The following TCF7L2 variants were observed in gnomAD, a reference collection of about 807,000 sequenced individuals.
TCF7L2 encodes transcription factor 7-like 2.
TCF7L2 carries 23 observed loss-of-function variants against 77.9 expected under a neutral mutation model. That is an observed-to-expected ratio of 0.30 (90% CI 0.21 to 0.42). The LOEUF is 0.42. Ranked by LOEUF, TCF7L2 falls within the 10% of genes least tolerant of loss-of-function variation. The pLI is 1.00. For missense variants in TCF7L2, 654 were observed against 793.1 expected (o/e 0.82, Z 2.11); for synonymous variants, 413 against 340.2 (o/e 1.21, Z -2.36).
intron 4 of TCF7L2, among the ~76,000 whole-genome samples, chr10:113,004,526 C>A (rs1180317141): frequency 1.3e-5 from 2 of 152,270 alleles, no homozygotes; most frequent in South Asian, 4.1e-4. Context: ...TAACAAATTT[C>A]TTTTCAAAAA....
At chr10:113,054,040 C>G (rs558899480) in intron 5 of TCF7L2, among the ~76,000 whole-genome samples, 1 of 152,278 alleles carries the variant, frequency 6.6e-6, no homozygotes, top group South Asian at 2.1e-4. Context: ...AGGCTGGTGC[C>G]GGTCAGGCTA....
At position 112,964,450 on chromosome 10, in the gene TCF7L2, T is replaced by C. The variant is rs942908142; in HGVS notation, c.382-106T>C. On this transcript the variant is annotated intron_variant, in intron 3 of 13. Coordinates refer to ENST00000627217, the MANE Select transcript of TCF7L2 (RefSeq NM_001146274.2). ...ACAGGTCTTGATTGAATGCCAAGGC[T>C]GCAGTTCAATCTAGGAAGGTTTGTC... 5.3e-6 allele frequency: 5 copies of C among 939,454 alleles called. No individual in the cohort carries two copies. In the African/African-American group the frequency reaches 8.1e-5, roughly 15 times the overall value. 58.2% of individuals were successfully genotyped at this position (939,454 alleles called of 1,614,324 possible). A position where few individuals can be genotyped will look rare whatever the true frequency, so the allele number is the denominator to read the frequency against.
At chr10:113,164,289 A>G (rs1310869537) in intron 13 of TCF7L2, among the ~76,000 whole-genome samples, 1 of 152,228 alleles carries the variant, frequency 6.6e-6, no homozygotes, top group African/African-American at 2.4e-5. Flanking sequence ...AAGGGCTCTG[A>G]AATTCTCATT....
chr10:113,063,116 A>G (rs2056736546), intron 5 of TCF7L2, among the ~76,000 whole-genome samples: 1 of 152,116 alleles, frequency 6.6e-6, no homozygotes, highest in African/African-American at 2.4e-5. Flanking sequence ...TTGTGAAGTT[A>G]TACCGTGCCT....
intron 4 of TCF7L2, among the ~76,000 whole-genome samples, chr10:112,966,791 G>A (rs2037025324): frequency 6.6e-6 from 1 of 152,204 alleles, no homozygotes; most frequent in South Asian, 2.1e-4. Context: ...TTCTCAGGAG[G>A]AAGATGGAGT....
intron 4 of TCF7L2, among the ~76,000 whole-genome samples, chr10:112,964,841 G>A (rs2036364065): frequency 6.7e-6 from 1 of 150,286 alleles, no homozygotes; most frequent in Non-Finnish European, 1.5e-5. Context: ...TGGGGGAGAA[G>A]GGGAGCAAAG....
intron 4 of TCF7L2, among the ~76,000 whole-genome samples, chr10:112,972,329 A>G (rs2038454652): frequency 6.6e-6 from 1 of 152,224 alleles, no homozygotes; most frequent in South Asian, 2.1e-4. Context: ...AGCTTGAGAA[A>G]AAGCATTTGT....
At chr10:113,012,907 C>T (rs1037632185) in intron 4 of TCF7L2, among the ~76,000 whole-genome samples, 32 of 152,198 alleles carry the variant, frequency 2.1e-4, no homozygotes, top group Non-Finnish European at 3.4e-4. Flanking sequence ...GCGCCCCACA[C>T]ATCCGGCTTC....
intron 5 of TCF7L2, among the ~76,000 whole-genome samples, chr10:113,101,319 G>A (rs1218548333): frequency 6.6e-6 from 1 of 152,124 alleles, no homozygotes; most frequent in Non-Finnish European, 1.5e-5. Flanking sequence ...AGGCCTCAAG[G>A]ATCGCTTGAA....
chr10:113,100,014 C>T (rs1333374713), intron 5 of TCF7L2, among the ~76,000 whole-genome samples: 1 of 152,118 alleles, frequency 6.6e-6, no homozygotes, highest in East Asian at 1.9e-4. Context: ...CTCCCTCTAC[C>T]TCTCTCTTAG....
chr10:112,967,085 G>A (rs1329533266), intron 4 of TCF7L2, among the ~76,000 whole-genome samples: 1 of 152,202 alleles, frequency 6.6e-6, no homozygotes, highest in African/African-American at 2.4e-5. Context: ...GGAAAAGAAG[G>A]GGAAAGCTTA....
intron 5 of TCF7L2, among the ~76,000 whole-genome samples, chr10:113,062,857 C>G (rs139866400): frequency 9.9e-5 from 15 of 152,152 alleles, no homozygotes; most frequent in African/African-American, 3.1e-4. Context: ...GCCTTTACTA[C>G]CAAAGACTGA....
intron 4 of TCF7L2, among the ~76,000 whole-genome samples, chr10:112,988,136 T>C (rs890977753): frequency 6.6e-6 from 1 of 151,146 alleles, no homozygotes; most frequent in Non-Finnish European, 1.5e-5. Flanking sequence ...AGTCTTGCTC[T>C]TGTTGCCCAG....
intron 5 of TCF7L2, among the ~76,000 whole-genome samples, chr10:113,063,297 A>G (rs1399121548): frequency 1.3e-5 from 2 of 152,150 alleles, no homozygotes; most frequent in Admixed American, 6.5e-5. Context: ...TAATGCTTAT[A>G]TTTACTGATA....
intron 5 of TCF7L2, among the ~76,000 whole-genome samples, chr10:113,064,319 G>C (rs954307099): frequency 6.6e-6 from 1 of 152,244 alleles, no homozygotes; most frequent in South Asian, 2.1e-4. Flanking sequence ...GTGCTCTGCA[G>C]AAGGTTGGTG....
intron 3 of TCF7L2, among the ~76,000 whole-genome samples, chr10:112,957,128 C>T (rs2033833438): frequency 6.6e-6 from 1 of 151,256 alleles, no homozygotes. Flanking sequence ...TGCATCTTTT[C>T]CCTTTTCTTT....
intron 4 of TCF7L2, among the ~76,000 whole-genome samples, chr10:112,985,772 G>A (rs766735600): frequency 5.3e-5 from 8 of 152,192 alleles, no homozygotes; most frequent in Non-Finnish European, 1.0e-4. Context: ...TGGGATGGAG[G>A]CATTAATCCC....
chr10:113,107,348 C>T (rs965225012), intron 5 of TCF7L2, among the ~76,000 whole-genome samples: 1 of 152,096 alleles, frequency 6.6e-6, no homozygotes, highest in Non-Finnish European at 1.5e-5. Flanking sequence ...TCCCCTCACC[C>T]CCTTCCCCTC....
chr10:113,065,613 G>A (rs918328921), intron 5 of TCF7L2, among the ~76,000 whole-genome samples: 4 of 152,178 alleles, frequency 2.6e-5, no homozygotes, highest in Non-Finnish European at 4.4e-5. Context: ...TGAAGGGGTA[G>A]GGTCATGTAG....
Sources: allele counts gnomAD v4.1 joint callset (sites outside exome capture counted in the v4.1 genomes callset), GRCh38; gene constraint gnomAD v4.1.1; transcripts MANE v1.5; gene names NCBI Gene and HGNC (gene_info 2026-07-23, HGNC 2026-07-21).